CTNNA3: variants seen among roughly 807,000 people sequenced by gnomAD.
CTNNA3 encodes catenin alpha 3.
In CTNNA3, 76 loss-of-function variants were observed where a neutral mutation model predicts 95.7. The ratio of observed to expected loss-of-function variants is 0.79; its 90% CI spans 0.66 to 0.96. The LOEUF (loss-of-function observed/expected upper bound fraction) is 0.96. Ranked by LOEUF, CTNNA3 falls within the 40% of genes least tolerant of loss-of-function variation. CTNNA3 has a pLI of 0.00. For missense variants in CTNNA3, 1,191 were observed against 1,089.8 expected (o/e 1.09, Z -1.31); for synonymous variants, 431 against 374.4 (o/e 1.15, Z -1.74).
At chr10:66,250,987 C>T (rs900885574) in intron 13 of CTNNA3, among the ~76,000 whole-genome samples, 2 of 152,092 alleles carry the variant, frequency 1.3e-5, no homozygotes, top group African/African-American at 4.8e-5. Flanking sequence ...TCTCATATTG[C>T]CCTGCCTTGT....
chr10:67,469,166 T>A (rs890178361), intron 5 of CTNNA3, among the ~76,000 whole-genome samples: 1 of 152,186 alleles, frequency 6.6e-6, no homozygotes, highest in Admixed American at 6.5e-5. Context: ...TAAAAAGCAC[T>A]GCATAAAAAA....
At chr10:66,110,671 T>C (rs1211667711) in intron 13 of CTNNA3, among the ~76,000 whole-genome samples, 4 of 152,216 alleles carry the variant, frequency 2.6e-5, no homozygotes, top group Admixed American at 2.0e-4. Context: ...TCTAAAGATA[T>C]CCAGTGCTAA....
At chr10:66,680,445 C>T (rs1013383691) in intron 9 of CTNNA3, among the ~76,000 whole-genome samples, 27 of 152,092 alleles carry the variant, frequency 1.8e-4, no homozygotes, top group African/African-American at 6.3e-4. Flanking sequence ...AGAGGAAAGG[C>T]AATTCAAAGG....
Position 67,419,819 on chromosome 10 carries a change from C to T in CTNNA3, c.579+102023G>A, listed in dbSNP as rs141882351. ...ACATAATCCCTTTTCTTAAATTAGTCACATATCTGATGCACTAGTGTTCTT... is the reference window on the plus strand; with the variant it reads ...ACATAATCCCTTTTCTTAAATTAGTTACATATCTGATGCACTAGTGTTCTT... On this transcript the variant is annotated intron_variant, in intron 5 of 17. Coordinates refer to ENST00000433211, the MANE Select transcript of CTNNA3 (RefSeq NM_013266.4). 2.0e-3 allele frequency among the ~76,000 whole-genome samples: 308 copies of T among 152,166 alleles called. 3 individuals are homozygous for T. Among genetic ancestry groups the T allele is most frequent in the African/African-American group, 6.9e-3 (286 of 41,514 alleles).
intron 9 of CTNNA3, among the ~76,000 whole-genome samples, chr10:66,726,936 C>T (rs1369689512): frequency 1.3e-5 from 2 of 152,050 alleles, no homozygotes; most frequent in Admixed American, 6.6e-5. Context: ...CCTCTTTGAG[C>T]TTATTTTTCC....
chr10:67,357,220 C>G (rs372193423), intron 5 of CTNNA3, among the ~76,000 whole-genome samples: 8 of 152,192 alleles, frequency 5.3e-5, no homozygotes, highest in African/African-American at 1.9e-4. Flanking sequence ...ATGCATTACT[C>G]TCTTCCTCTT....
At chr10:66,748,255 G>A (rs182769722) in intron 9 of CTNNA3, among the ~76,000 whole-genome samples, 1 of 152,294 alleles carries the variant, frequency 6.6e-6, no homozygotes, top group Non-Finnish European at 1.5e-5. Context: ...GTGTCTCTGT[G>A]TTGAAAAAGC....
At chr10:65,957,538 T>C (rs909044595) in intron 17 of CTNNA3, among the ~76,000 whole-genome samples, 2 of 152,338 alleles carry the variant, frequency 1.3e-5, no homozygotes, top group African/African-American at 2.4e-5. Context: ...CGGTTGTTCC[T>C]TTCCATGTTT....
At chr10:66,217,900 G>C (rs533864543) in intron 13 of CTNNA3, among the ~76,000 whole-genome samples, 1 of 148,740 alleles carries the variant, frequency 6.7e-6, no homozygotes, top group Non-Finnish European at 1.5e-5. Context: ...ACCAGACTGC[G>C]GGTACCAGAT....
intron 5 of CTNNA3, among the ~76,000 whole-genome samples, chr10:67,240,553 T>A (rs879809268): frequency 6.6e-6 from 1 of 152,190 alleles, no homozygotes; most frequent in Non-Finnish European, 1.5e-5. Flanking sequence ...GAGAGGCCTT[T>A]ACTACTTTTC....
chr10:66,407,390 T>C (rs2093065990), intron 11 of CTNNA3, among the ~76,000 whole-genome samples: 1 of 151,946 alleles, frequency 6.6e-6, no homozygotes, highest in Non-Finnish European at 1.5e-5. Flanking sequence ...CTGTACAATA[T>C]CACATACTAT....
chr10:66,306,800 G>A (rs937679647), intron 12 of CTNNA3, among the ~76,000 whole-genome samples: 2 of 152,148 alleles, frequency 1.3e-5, no homozygotes, highest in Non-Finnish European at 2.9e-5. Context: ...GTTTTCGTAT[G>A]TCTGAAAGCT....
intron 11 of CTNNA3, among the ~76,000 whole-genome samples, chr10:66,459,974 T>C (rs1478151387): frequency 7.2e-6 from 1 of 139,568 alleles, no homozygotes; most frequent in African/African-American, 2.6e-5. Flanking sequence ...CTTTTTGTTA[T>C]GATGTAAATG....
chr10:67,201,592 T>G lies in CTNNA3; in HGVS notation c.843+18015A>C, dbSNP rs146170503. On this transcript the variant is annotated intron_variant, in intron 6 of 17. Transcript: ENST00000433211. ...CAAATTATTCATTTAACTTCAAGTG[T>G]TCATTTGTGGCTAACGAAGCTGAGA... 1.6e-3 allele frequency among the ~76,000 whole-genome samples: 241 copies of G among 152,322 alleles called. 3 individuals carry two copies. The highest frequency in any genetic ancestry group is 5.6e-3 in the African/African-American group (232 of 41,562).
At chr10:67,444,046 T>C (rs562512281) in intron 5 of CTNNA3, among the ~76,000 whole-genome samples, 3 of 152,270 alleles carry the variant, frequency 2.0e-5, no homozygotes, top group African/African-American at 7.2e-5. Context: ...ATAGAACAAA[T>C]GGACTTAATA....
intron 1 of CTNNA3, among the ~76,000 whole-genome samples, chr10:67,735,146 A>ACACACACACAC (rs1564843090): frequency 1.2e-5 from 1 of 85,836 alleles, no homozygotes; most frequent in South Asian, 3.7e-4. Context: ...CACACACACA[A>ACACACACACAC]ACACACACAC....
intron 14 of CTNNA3, among the ~76,000 whole-genome samples, chr10:66,079,659 A>G (rs1347210446): frequency 6.6e-6 from 1 of 151,970 alleles, no homozygotes; most frequent in Non-Finnish European, 1.5e-5. Flanking sequence ...AGAATTCTAA[A>G]TATGGCATTT....
At chr10:67,586,084 TGGTC>T (rs1221277961) in intron 3 of CTNNA3, among the ~76,000 whole-genome samples, 3 of 152,174 alleles carry the variant, frequency 2.0e-5, no homozygotes, top group Non-Finnish European at 4.4e-5. Context: ...ATTGACCCAG[TGGTC>T]ATTCAGGAGC....
intron 5 of CTNNA3, among the ~76,000 whole-genome samples, chr10:67,414,862 G>C (rs1044845915): frequency 1.3e-5 from 2 of 152,092 alleles, no homozygotes; most frequent in South Asian, 4.1e-4. Context: ...TGTTGCACAT[G>C]TTGCAAATCA....
Sources: allele counts gnomAD v4.1 joint callset (sites outside exome capture counted in the v4.1 genomes callset), GRCh38; gene constraint gnomAD v4.1.1; transcripts MANE v1.5; gene names NCBI Gene and HGNC (gene_info 2026-07-23, HGNC 2026-07-21).